The following CHRM2 variants were observed in gnomAD, a reference collection of about 807,000 sequenced individuals.
The protein encoded by CHRM2 is muscarinic acetylcholine receptor M2.
In CHRM2, 8 loss-of-function variants were observed where a neutral mutation model predicts 25.0. That is an observed-to-expected ratio of 0.32 (90% CI 0.19 to 0.58). The LOEUF (loss-of-function observed/expected upper bound fraction) is 0.58, where lower values mean the gene tolerates loss of function less well. Among genes scored for constraint, CHRM2 ranks in the 20% least tolerant of loss-of-function variants. The pLI is 0.88. For synonymous variants in CHRM2, 202 were observed against 205.7 expected (o/e 0.98, Z 0.15); for missense variants, 440 against 567.1 (o/e 0.78, Z 2.28).
Position 136,962,719 on chromosome 7 carries a change from T to C in CHRM2, c.-124-29468T>C, listed in dbSNP as rs557830256. On this transcript the variant is annotated intron_variant, in intron 2 of 3. Coordinates refer to ENST00000680005, the MANE Select transcript of CHRM2 (RefSeq NM_001006630.2). Reference sequence around the variant, plus strand: ...AGTTTCACCTGCCAGAGAACGACATTGTATTAGGAATAAGCAACAGCGTCC... The same window carrying C: ...AGTTTCACCTGCCAGAGAACGACATCGTATTAGGAATAAGCAACAGCGTCC... 4.5e-4 allele frequency among the ~76,000 whole-genome samples: 69 copies of C among 152,218 alleles called. 1 individual carries two copies. The highest frequency in any genetic ancestry group is 3.4e-4 in the Non-Finnish European group (23 of 68,002).
intron 2 of CHRM2, among the ~76,000 whole-genome samples, chr7:136,929,111 A>G (rs62485242): frequency 0.24 from 36,119 of 151,662 alleles, 5,607 homozygotes; most frequent in Non-Finnish European, 0.35. Context: ...ACAGATCTCT[A>G]GAACTTTTGG....
intron 2 of CHRM2, among the ~76,000 whole-genome samples, chr7:136,878,576 T>C (rs1459329203): frequency 6.6e-6 from 1 of 151,928 alleles, no homozygotes; most frequent in Non-Finnish European, 1.5e-5. Context: ...TACTCTTCTG[T>C]GACAATAATA....
chr7:136,953,448 A>G (rs1454483353), intron 2 of CHRM2, among the ~76,000 whole-genome samples: 1 of 152,140 alleles, frequency 6.6e-6, no homozygotes, highest in Non-Finnish European at 1.5e-5. Flanking sequence ...AAAATCACAA[A>G]TATCTTAAGT....
At chr7:136,901,751 C>G (rs1797222428) in intron 2 of CHRM2, 1 of 151,990 alleles carries the variant, frequency 6.6e-6, no homozygotes, top group African/African-American at 2.4e-5. Context: ...GTAAGATTTA[C>G]AGCTTACAAA....
chr7:137,000,522 A>G (rs1312787060), intron 3 of CHRM2, among the ~76,000 whole-genome samples: 1 of 142,614 alleles, frequency 7.0e-6, no homozygotes, highest in Non-Finnish European at 1.5e-5. Flanking sequence ...ATTATTAAAA[A>G]AAAAGAAAGA....
chr7:136,887,244 T>C (rs1796503821), intron 2 of CHRM2, among the ~76,000 whole-genome samples: 2 of 152,142 alleles, frequency 1.3e-5, no homozygotes, highest in South Asian at 2.1e-4. Context: ...ATCTTAAATA[T>C]ACACAATAAA....
chr7:136,962,878 G>A (rs1801187528), intron 2 of CHRM2, among the ~76,000 whole-genome samples: 1 of 152,154 alleles, frequency 6.6e-6, no homozygotes, highest in Non-Finnish European at 1.5e-5. Flanking sequence ...TTTATTAACA[G>A]CTTAAAATAT....
chr7:136,984,213 A>G (rs1440070582), intron 2 of CHRM2, among the ~76,000 whole-genome samples: 1 of 152,112 alleles, frequency 6.6e-6, no homozygotes, highest in Non-Finnish European at 1.5e-5. Context: ...CCCAGTCCAC[A>G]CTTCCCAGAG....
intron 2 of CHRM2, among the ~76,000 whole-genome samples, chr7:136,925,747 T>C (rs1278427636): frequency 6.6e-6 from 1 of 152,206 alleles, no homozygotes; most frequent in Non-Finnish European, 1.5e-5. Context: ...TCAAGTCTCC[T>C]TATCTTTGTC....
In CHRM2 at chr7:136,962,611, G is replaced by T. The variant is rs137985824; in HGVS notation, c.-124-29576G>T. Among the ~76,000 whole-genome samples the T allele has an allele frequency of 5.7e-3, 868 of 152,278 alleles. 4 individuals carry two copies. Among genetic ancestry groups the T allele is most frequent in the Non-Finnish European group, 9.8e-3 (664 of 68,018 alleles). On this transcript the variant is annotated intron_variant, in intron 2 of 3. Transcript: ENST00000680005. The stretch of plus-strand genomic sequence containing the variant: ...GTCCACTTAATTGAAAGTTAGTGGG[G>T]AAATGTAATTTTTTGAAGGAGTAAG...
intron 2 of CHRM2, among the ~76,000 whole-genome samples, chr7:136,890,358 T>C (rs1041882686): frequency 6.6e-6 from 1 of 152,204 alleles, no homozygotes; most frequent in East Asian, 1.9e-4. Context: ...GAAAAACTGA[T>C]GTGTTGATCG....
chr7:136,994,521 C>CTTTTTTTTTTTTTTTTTTTTTTTTTTT (rs757243972), intron 3 of CHRM2, among the ~76,000 whole-genome samples: 4 of 71,416 alleles, frequency 5.6e-5, no homozygotes, highest in Admixed American at 1.5e-4. Flanking sequence ...TTTTTCTTTT[C>CTTTTTTTTTTTTTTTTTTTTTTTTTTT]TTTTTTTTTT....
At chr7:136,947,302 T>G (rs987605617) in intron 2 of CHRM2, among the ~76,000 whole-genome samples, 2 of 152,200 alleles carry the variant, frequency 1.3e-5, no homozygotes, top group South Asian at 4.1e-4. Context: ...AAAATATGTA[T>G]GCTTTTTTTC....
At chr7:136,939,743 A>T (rs938502109) in intron 2 of CHRM2, among the ~76,000 whole-genome samples, 1 of 152,226 alleles carries the variant, frequency 6.6e-6, no homozygotes, top group African/African-American at 2.4e-5. Flanking sequence ...AAGCTAATAG[A>T]GTGGATAGAA....
intron 2 of CHRM2, among the ~76,000 whole-genome samples, chr7:136,904,006 T>A (rs1291540125): frequency 6.6e-6 from 1 of 151,964 alleles, no homozygotes; most frequent in Non-Finnish European, 1.5e-5. Context: ...TTAATTGTCA[T>A]GATATGTTAC....
At position 137,019,679 on chromosome 7, in the gene CHRM2, T is replaced by C. The variant is rs1204311974; in HGVS notation, c.*3413T>C. 2.0e-5 allele frequency: 3 copies of C among 151,846 alleles called. No homozygotes were observed. Among genetic ancestry groups the C allele is most frequent in the Non-Finnish European group, 4.4e-5 (3 of 67,890 alleles). 9.4% of individuals were successfully genotyped at this position (151,846 alleles called of 1,614,324 possible). On this transcript the variant is annotated 3_prime_UTR_variant, in exon 4 of 4. Coordinates refer to ENST00000680005, the MANE Select transcript of CHRM2 (RefSeq NM_001006630.2). ...TTCATTTCTTCGAAACAAGAAATGA[T>C]TTTCCTTTTACCAGTTCATCATTAA...
intron 3 of CHRM2, among the ~76,000 whole-genome samples, chr7:136,992,520 T>A (rs1022446429): frequency 2.6e-5 from 4 of 152,136 alleles, no homozygotes; most frequent in African/African-American, 9.7e-5. Context: ...ATCAAGTTGA[T>A]TCAACTTGTC....
chr7:137,018,390 A>G lies in CHRM2; in HGVS notation c.*2124A>G, dbSNP rs911080771. The G allele has an allele frequency of 4.3e-4, 65 of 152,044 alleles. No homozygotes were observed. The highest frequency in any genetic ancestry group is 1.4e-3 in the African/African-American group (57 of 41,544). 9.4% of individuals were successfully genotyped at this position (152,044 alleles called of 1,614,324 possible). ...CTTACCTACAGTTACTTCAACATGC[A>G]CTTTTACATTTTAAATTCATATTTA... On this transcript the variant is annotated 3_prime_UTR_variant, in exon 4 of 4. Transcript: ENST00000680005.
intron 2 of CHRM2, chr7:136,938,315 T>C: frequency 3.0e-6 from 4 of 1,350,480 alleles, no homozygotes; most frequent in Non-Finnish European, 4.2e-6. Flanking sequence ...CTCTCGAACA[T>C]GTTGTCCATG....
Sources: gnomAD v4.1 joint callset for allele counts (sites outside exome capture counted in the v4.1 genomes callset) on GRCh38, gnomAD v4.1.1 for gene constraint, MANE v1.5 for transcripts, NCBI Gene and HGNC (gene_info 2026-07-23, HGNC 2026-07-21) for gene names.